The following CCDC88A variants were observed in gnomAD, a reference collection of about 807,000 sequenced individuals.
CCDC88A encodes girdin.
Under a neutral mutation model 234.3 loss-of-function variants are expected in CCDC88A, and 54 were observed. That is an observed-to-expected ratio of 0.23 (90% CI 0.19 to 0.29). The LOEUF (loss-of-function observed/expected upper bound fraction) is 0.29. Among genes scored for constraint, CCDC88A ranks in the 10% least tolerant of loss-of-function variants. CCDC88A has a pLI of 1.00. For missense variants in CCDC88A, 1,832 were observed against 2,123.4 expected (o/e 0.86, Z 2.70); for synonymous variants, 753 against 737.8 (o/e 1.02, Z -0.33).
intron 2 of CCDC88A, among the ~76,000 whole-genome samples, chr2:55,412,906 C>G (rs1400399945): frequency 6.6e-6 from 1 of 152,092 alleles, no homozygotes; most frequent in African/African-American, 2.4e-5. Context: ...AGAGATCATA[C>G]AAAACTAAGC....
Position 55,317,730 on chromosome 2 carries a change from G to A in CCDC88A, c.3436C>T (p.Arg1146Ter). The A allele has an allele frequency of 6.2e-7, 1 of 1,613,204 alleles. No individual in the cohort carries two copies. The highest frequency in any genetic ancestry group is 8.5e-7 in the Non-Finnish European group (1 of 1,179,422). Residue 1146 changes from arginine (R) to a stop codon, truncating the protein, a stop_gained, in exon 20 of 33, where the codon CGA (arginine) becomes TGA (stop). Transcript: ENST00000436346. LOFTEE classifies it high-confidence loss of function. This position sits in a 1 kb window ranked among gnomAD's most constrained non-coding sequence, Gnocchi z 4.2. ...ENENESVIKEREDLKSLYDSL... is the reference protein window; with the variant it reads ...ENENESVIKE Reference sequence around the variant, plus strand: ...TCATAGAGAGATTTTAGGTCTTCTCGCTCTTTGATTACAGATTCATTTTCA... The same window carrying A: ...TCATAGAGAGATTTTAGGTCTTCTCACTCTTTGATTACAGATTCATTTTCA...
intron 8 of CCDC88A, chr2:55,350,488 C>T (rs934385847): frequency 7.9e-5 from 12 of 151,836 alleles, no homozygotes; most frequent in Non-Finnish European, 1.6e-4. Context: ...AATAAGCCTC[C>T]ACTTACTATC....
chr2:55,399,262 G>A (rs1180142873), intron 2 of CCDC88A, among the ~76,000 whole-genome samples: 1 of 152,026 alleles, frequency 6.6e-6, no homozygotes, highest in Admixed American at 6.6e-5. Flanking sequence ...GTCACTCTGG[G>A]CCAGGCACAG....
In CCDC88A at chr2:55,317,319, C is replaced by A; in HGVS notation, c.3633G>T (p.Gln1211His). 1 of 1,529,298 alleles carries A rather than the reference C, an allele frequency of 6.5e-7. No homozygotes were observed. The highest frequency in any genetic ancestry group is 8.8e-7 in the Non-Finnish European group (1 of 1,134,570). The allele number at this position is 1,529,298 out of a possible 1,614,324, so 94.7% of individuals were successfully genotyped here. Residue 1211 changes from glutamine to histidine, a missense_variant, in exon 21 of 33, where the codon CAG becomes CAT. This residue lies in a region of CCDC88A where 1,282 missense variants were observed against 1,543.6 expected (regional missense o/e 0.83). Coordinates refer to ENST00000436346, the MANE Select transcript of CCDC88A (RefSeq NM_001365480.1). This position sits in a 1 kb window ranked among gnomAD's most constrained non-coding sequence, Gnocchi z 4.2. Reference sequence around the variant, plus strand: ...TGAGCATTTTTTCCAAATCTTCCAACTGTCCTTTCTGTTTTAATAACTGAT... The same window carrying A: ...TGAGCATTTTTTCCAAATCTTCCAAATGTCCTTTCTGTTTTAATAACTGAT... ...RYNQLLKQKG[Q>H]LEDLEKMLKV...
At chr2:55,398,650 C>T (rs990800493) in intron 2 of CCDC88A, among the ~76,000 whole-genome samples, 5 of 151,758 alleles carry the variant, frequency 3.3e-5, no homozygotes, top group Admixed American at 6.6e-5. Flanking sequence ...CGATGGCTTA[C>T]GCCTGTAATC....
intron 8 of CCDC88A, among the ~76,000 whole-genome samples, chr2:55,350,958 C>T (rs911606737): frequency 2.6e-5 from 4 of 152,110 alleles, no homozygotes; most frequent in Non-Finnish European, 5.9e-5. Context: ...AGCCCAAAAC[C>T]ATAATTTTTA....
In CCDC88A at chr2:55,339,320, C is replaced by G. The variant is rs538505699; in HGVS notation, c.1518+144G>C. ...ATAATGAGTATAGGGTTCATTCACA[C>G]CATATTTGTGTATATTTGAAAATTT... On this transcript the variant is annotated intron_variant, in intron 13 of 32. Coordinates refer to ENST00000436346, the MANE Select transcript of CCDC88A (RefSeq NM_001365480.1). 104 of 784,672 alleles carry G rather than the reference C, an allele frequency of 1.3e-4. 1 individual carries two copies. The Middle Eastern group carries it at 2.6e-3, about 20-fold the overall frequency. 48.6% of individuals were successfully genotyped at this position (784,672 alleles called of 1,614,324 possible). A position where few individuals can be genotyped will look rare whatever the true frequency, so the allele number is the denominator to read the frequency against.
chr2:55,417,983 T>C (rs1001834454), intron 2 of CCDC88A: 1 of 152,150 alleles, frequency 6.6e-6, no homozygotes, highest in East Asian at 1.9e-4. Flanking sequence ...ATAAACTACA[T>C]TAGCGTACTT....
intron 15 of CCDC88A, among the ~76,000 whole-genome samples, chr2:55,333,165 G>A (rs980705862): frequency 2.4e-4 from 37 of 152,268 alleles, no homozygotes; most frequent in African/African-American, 8.7e-4. Flanking sequence ...ATGTTTATAA[G>A]TCTACAGAAG....
intron 11 of CCDC88A, 66 bp downstream of exon 11, chr2:55,344,302 G>A: frequency 8.4e-7 from 1 of 1,183,850 alleles, no homozygotes; most frequent in Non-Finnish European, 1.2e-6. Flanking sequence ...CCAATACAGG[G>A]AAATCAGCTG....
At chr2:55,327,697 G>A (rs1459863546) in intron 17 of CCDC88A, among the ~76,000 whole-genome samples, 3 of 152,226 alleles carry the variant, frequency 2.0e-5, no homozygotes, top group African/African-American at 7.2e-5. Flanking sequence ...ACCAGAACAT[G>A]ACTCTACCAA....
At position 55,308,990 on chromosome 2, in the gene CCDC88A, T is replaced by C. The variant is rs1425496071; in HGVS notation, c.4206A>G (p.Lys1402=). ...RGNWITLKMR[K]LIKSKKDINR... ...TAATATCTTTCTTAGACTTTATCAATTTTCTCATTTTTAGAGTAATCCAGT... is the reference window on the plus strand; with the variant it reads ...TAATATCTTTCTTAGACTTTATCAACTTTCTCATTTTTAGAGTAATCCAGT... The change falls in exon 25 of 33, where the codon AAA becomes AAG. Residue 1402 remains lysine, a synonymous_variant. Coordinates refer to ENST00000436346, the MANE Select transcript of CCDC88A (RefSeq NM_001365480.1). 1.9e-6 allele frequency: 3 copies of C among 1,613,850 alleles called. No individual in the cohort carries two copies. The highest frequency in any genetic ancestry group is 2.7e-5 in the African/African-American group (2 of 74,916).
At chr2:55,330,804 G>A (rs1216772075) in intron 16 of CCDC88A, among the ~76,000 whole-genome samples, 1 of 152,108 alleles carries the variant, frequency 6.6e-6, no homozygotes, top group African/African-American at 2.4e-5. Flanking sequence ...CTGTCTCTGT[G>A]CTTCCAAATT....
chr2:55,401,477 T>TGG (rs1200045478), intron 2 of CCDC88A, among the ~76,000 whole-genome samples: 4 of 25,066 alleles, frequency 1.6e-4, no homozygotes, highest in East Asian at 5.3e-4. Flanking sequence ...CATATGTGTG[T>TGG]GTATGTATGT....
chr2:55,336,566 A>T, intron 14 of CCDC88A, 115 bp downstream of exon 14: 2 of 627,770 alleles, frequency 3.2e-6, no homozygotes, highest in Non-Finnish European at 5.1e-6. Flanking sequence ...AAATAAAAAA[A>T]TTCTAAAATA....
chr2:55,416,429 TAAATAAATAA>T (rs1286202701), intron 2 of CCDC88A, among the ~76,000 whole-genome samples: 857 of 24,626 alleles, frequency 0.035, 25 homozygotes, highest in Non-Finnish European at 0.051. Flanking sequence ...AGAGGTCAAA[TAAATAAATAA>T]ATAAATATAT....
chr2:55,369,577 G>C lies in CCDC88A; in HGVS notation c.402+2875C>G, dbSNP rs9789766. Reference sequence around the variant, plus strand: ...AACCGTTCTCCTGTCTCAGCCTCCTGCGTAGCTGGGACTACAAGCGCAAGC... The same window carrying C: ...AACCGTTCTCCTGTCTCAGCCTCCTCCGTAGCTGGGACTACAAGCGCAAGC... On this transcript the variant is annotated intron_variant, in intron 5 of 32. Transcript: ENST00000436346. 3.4e-4 allele frequency among the ~76,000 whole-genome samples: 52 copies of C among 151,278 alleles called. No homozygotes were observed. In the East Asian group the frequency reaches 9.0e-3, roughly 26 times the overall value.
chr2:55,356,911 A>C (rs1272099408), intron 7 of CCDC88A: 5 of 152,256 alleles, frequency 3.3e-5, no homozygotes, highest in Non-Finnish European at 5.9e-5. Flanking sequence ...CATCTCAAAA[A>C]AATAAAATAA....
intron 2 of CCDC88A, among the ~76,000 whole-genome samples, chr2:55,398,385 A>G (rs1677987815): frequency 6.6e-6 from 1 of 152,186 alleles, no homozygotes. Context: ...ATTATCTATT[A>G]CTATAAACTA....
Sources: allele counts gnomAD v4.1 joint callset (sites outside exome capture counted in the v4.1 genomes callset), GRCh38; gene constraint gnomAD v4.1.1; regional missense constraint gnomAD v4.1.1; non-coding constraint Gnocchi (gnomAD v3.1); transcripts MANE v1.5; gene names NCBI Gene and HGNC (gene_info 2026-07-23, HGNC 2026-07-21).